GPD1L: variants seen among roughly 807,000 people sequenced by gnomAD.
GPD1L encodes the protein glycerol-3-phosphate dehydrogenase 1-like protein.
A neutral mutation model predicts 32.9 loss-of-function variants in GPD1L; 17 were observed. The observed-to-expected ratio is 0.52, with a 90% CI of 0.35 to 0.78. The LOEUF is 0.78. GPD1L is among the 30% of genes least tolerant of loss of function. The pLI, the probability that GPD1L is intolerant of heterozygous loss-of-function variation, is 0.01. For synonymous variants in GPD1L, 187 were observed against 165.9 expected (o/e 1.13, Z -0.98); for missense variants, 361 against 447.8 (o/e 0.81, Z 1.75).
chr3:32,130,000 G>C (rs988151138), intron 2 of GPD1L, among the ~76,000 whole-genome samples: 1 of 152,138 alleles, frequency 6.6e-6, no homozygotes, highest in Non-Finnish European at 1.5e-5. Flanking sequence ...CGTGCCCTCA[G>C]TGTGTGACCT....
In GPD1L at chr3:32,131,493, G is replaced by T. The variant is rs551863849; in HGVS notation, c.225+3240G>T. The stretch of plus-strand genomic sequence containing the variant: ...CTGTTCTCCATATTTCATGTAAATT[G>T]CGTCTTACAATATGCGGTCTTCTGT... On this transcript the variant is annotated intron_variant, in intron 2 of 7. Coordinates refer to ENST00000282541, the MANE Select transcript of GPD1L (RefSeq NM_015141.4). Among the ~76,000 whole-genome samples the T allele has an allele frequency of 1.7e-4, 26 of 152,250 alleles. No individual in the cohort carries two copies. In the East Asian group the frequency reaches 3.7e-3, roughly 21 times the overall value.
At chr3:32,129,384 G>T (rs948448472) in intron 2 of GPD1L, among the ~76,000 whole-genome samples, 1 of 152,146 alleles carries the variant, frequency 6.6e-6, no homozygotes, top group South Asian at 2.1e-4. Flanking sequence ...AATAAATGTG[G>T]GGAAGTTTTA....
At chr3:32,156,568 C>T (rs539693098) in intron 5 of GPD1L, among the ~76,000 whole-genome samples, 1 of 152,160 alleles carries the variant, frequency 6.6e-6, no homozygotes, top group Non-Finnish European at 1.5e-5. Context: ...GGGCTCTGTT[C>T]TGTGGGTCTG....
intron 2 of GPD1L, 135 bp from the exon 3 acceptor site, chr3:32,138,452 A>G: frequency 1.1e-6 from 1 of 869,960 alleles, no homozygotes. Flanking sequence ...AAGCAAACAC[A>G]CTTGCCTTCC....
intron 4 of GPD1L, among the ~76,000 whole-genome samples, chr3:32,142,305 G>C (rs1700756618): frequency 6.6e-6 from 1 of 152,054 alleles, no homozygotes; most frequent in Non-Finnish European, 1.5e-5. Flanking sequence ...TTTTGGTAGA[G>C]ACAGGGTTTC....
At position 32,146,605 on chromosome 3, in the gene GPD1L, G is replaced by T. The variant is rs542702241; in HGVS notation, c.506-17G>T. ...AGAGGCTGTTATTAATATCCTTGTT[G>T]TCTAACCTTTCAACAGGCAGCAAAG... On this transcript the variant is annotated splice_polypyrimidine_tract_variant and intron_variant, in intron 4 of 7. Transcript: ENST00000282541. 21 of 1,420,454 alleles carry T rather than the reference G, an allele frequency of 1.5e-5. No homozygotes were observed. The South Asian group carries it at 2.3e-4, about 16-fold the overall frequency. 88.0% of individuals were successfully genotyped at this position (1,420,454 alleles called of 1,614,324 possible).
intron 2 of GPD1L, among the ~76,000 whole-genome samples, chr3:32,135,555 T>G (rs556689559): frequency 2.6e-4 from 40 of 152,232 alleles, no homozygotes; most frequent in Non-Finnish European, 4.9e-4. Flanking sequence ...CAGGTTCAAG[T>G]GATTCTCATG....
At chr3:32,130,192 C>CA (rs1375107093) in intron 2 of GPD1L, among the ~76,000 whole-genome samples, 1 of 152,070 alleles carries the variant, frequency 6.6e-6, no homozygotes, top group Non-Finnish European at 1.5e-5. Flanking sequence ...GCCTGCCCCC[C>CA]ACTTGACTGA....
At chr3:32,124,245 T>C (rs1401145400) in intron 1 of GPD1L, among the ~76,000 whole-genome samples, 1 of 152,160 alleles carries the variant, frequency 6.6e-6, no homozygotes, top group African/African-American at 2.4e-5. Context: ...TTTTGTATTT[T>C]TAGTAGAGAC....
At chr3:32,112,116 G>T (rs1700261318) in intron 1 of GPD1L, among the ~76,000 whole-genome samples, 2 of 152,120 alleles carry the variant, frequency 1.3e-5, no homozygotes, top group Admixed American at 6.5e-5. Context: ...GAGAAAGTTT[G>T]TACGGCTTTT....
rs574378980 is a variant in GPD1L at position 32,124,198 on chromosome 3, T to C, written c.48-3878T>C. On this transcript the variant is annotated intron_variant, in intron 1 of 7. Transcript: ENST00000282541. ...CTCCTGCCTCAGCCTCTTGAGTAGC[T>C]GGGACTACAGGCGCACGCCACCATG... is the stretch of plus-strand genomic sequence containing the variant. 2.6e-5 allele frequency among the ~76,000 whole-genome samples: 4 copies of C among 152,282 alleles called. No homozygotes were observed. In the East Asian group the frequency reaches 7.7e-4, roughly 29 times the overall value.
chr3:32,128,018 C>T, intron 1 of GPD1L, 58 bp from the exon 2 acceptor site: 2 of 1,216,884 alleles, frequency 1.6e-6, no homozygotes, highest in South Asian at 2.5e-5. Flanking sequence ...TAATCAAACG[C>T]TTTTTCTCTC....
At chr3:32,119,786 C>T (rs938281459) in intron 1 of GPD1L, among the ~76,000 whole-genome samples, 2 of 152,062 alleles carry the variant, frequency 1.3e-5, no homozygotes, top group African/African-American at 4.8e-5. Flanking sequence ...CGCTTTTGCC[C>T]ATGGAACCAG....
At chr3:32,154,561 C>A (rs945086119) in intron 5 of GPD1L, among the ~76,000 whole-genome samples, 2 of 152,126 alleles carry the variant, frequency 1.3e-5, no homozygotes, top group Admixed American at 1.3e-4. Context: ...TAGAGCAGCA[C>A]GGTGTGGCGT....
chr3:32,139,270 A>G (rs1700706398), intron 3 of GPD1L, among the ~76,000 whole-genome samples: 1 of 152,216 alleles, frequency 6.6e-6, no homozygotes, highest in South Asian at 2.1e-4. Context: ...CAGTATTAGC[A>G]GGATCTGAGA....
At chr3:32,143,155 T>C (rs555835940) in intron 4 of GPD1L, among the ~76,000 whole-genome samples, 90 of 152,184 alleles carry the variant, frequency 5.9e-4, no homozygotes, top group African/African-American at 2.0e-3. Flanking sequence ...TATGATCACG[T>C]CATTGCACTC....
chr3:32,150,460 G>GT (rs1700899137), intron 5 of GPD1L, among the ~76,000 whole-genome samples: 1 of 149,514 alleles, frequency 6.7e-6, no homozygotes, highest in South Asian at 2.1e-4. Flanking sequence ...TGTTTTCTGT[G>GT]TTTTTAAATA....
chr3:32,130,698 C>T (rs947464949), intron 2 of GPD1L, among the ~76,000 whole-genome samples: 1 of 151,866 alleles, frequency 6.6e-6, no homozygotes, highest in Admixed American at 6.6e-5. Flanking sequence ...AGGCCGGTTG[C>T]GGTGGCTCAC....
intron 1 of GPD1L, among the ~76,000 whole-genome samples, 193 bp from the exon 2 acceptor site, chr3:32,127,883 C>CA (rs989915264): frequency 8.5e-5 from 13 of 152,120 alleles, no homozygotes; most frequent in African/African-American, 3.1e-4. Context: ...GGTGCTTTCC[C>CA]AGTCACAGGC....
Sources: gnomAD v4.1 joint callset for allele counts (sites outside exome capture counted in the v4.1 genomes callset) on GRCh38, gnomAD v4.1.1 for gene constraint, MANE v1.5 for transcripts, NCBI Gene and HGNC (gene_info 2026-07-23, HGNC 2026-07-21) for gene names.